SLC9A9: variants seen among roughly 807,000 people sequenced by gnomAD.
SLC9A9 encodes the protein sodium/hydrogen exchanger 9.
A neutral mutation model predicts 77.8 loss-of-function variants in SLC9A9; 62 were observed. The observed-to-expected ratio is 0.80, with a 90% CI of 0.65 to 0.98. The LOEUF is 0.98. SLC9A9 is among the 50% of genes least tolerant of loss of function. The probability of loss-of-function intolerance (pLI) is 0.00; values close to 1 mark genes in which losing one functional copy is unlikely to be tolerated. For missense variants in SLC9A9, 775 were observed against 774.9 expected (o/e 1.00, Z 0.00); for synonymous variants, 320 against 283.5 (o/e 1.13, Z -1.29).
intron 9 of SLC9A9, among the ~76,000 whole-genome samples, chr3:143,518,434 A>C (rs2036240789): frequency 6.6e-6 from 1 of 152,234 alleles, no homozygotes; most frequent in Non-Finnish European, 1.5e-5. Flanking sequence ...TATGCTCCTC[A>C]TACAGTCAAA....
At chr3:143,541,725 A>G (rs962539411) in intron 9 of SLC9A9, among the ~76,000 whole-genome samples, 2 of 152,124 alleles carry the variant, frequency 1.3e-5, no homozygotes, top group East Asian at 1.9e-4. Context: ...TCCTCCAATA[A>G]AATTCTGGGT....
chr3:143,742,695 T>C (rs1397447967), intron 4 of SLC9A9, among the ~76,000 whole-genome samples: 1 of 152,084 alleles, frequency 6.6e-6, no homozygotes, highest in African/African-American at 2.4e-5. Flanking sequence ...ACTAGGAAAG[T>C]CAAATAAACT....
intron 2 of SLC9A9, among the ~76,000 whole-genome samples, chr3:143,816,642 A>G (rs2009025901): frequency 6.6e-6 from 1 of 152,194 alleles, no homozygotes; most frequent in Non-Finnish European, 1.5e-5. Flanking sequence ...AAGTCTGTGT[A>G]TACATGTGAG....
chr3:143,436,858 T>C (rs1360315864), intron 12 of SLC9A9, among the ~76,000 whole-genome samples: 3 of 152,210 alleles, frequency 2.0e-5, no homozygotes, highest in African/African-American at 4.8e-5. Context: ...GGGGTCTTCC[T>C]GAAGCCTTCC....
At chr3:143,691,894 A>G (rs992112783) in intron 5 of SLC9A9, among the ~76,000 whole-genome samples, 2 of 152,260 alleles carry the variant, frequency 1.3e-5, no homozygotes, top group Non-Finnish European at 2.9e-5. Flanking sequence ...TTGTTCAACT[A>G]TAGGTTGTGT....
At chr3:143,503,424 C>A in intron 9 of SLC9A9, 1 of 347,926 alleles carries the variant, frequency 2.9e-6, no homozygotes, top group South Asian at 2.3e-5. Flanking sequence ...CTGTTAAAGT[C>A]AGAGGAGACA....
chr3:143,727,983 G>A (rs993892938), intron 4 of SLC9A9, among the ~76,000 whole-genome samples: 6 of 152,138 alleles, frequency 3.9e-5, no homozygotes, highest in East Asian at 3.8e-4. Context: ...GCTTCCCCTC[G>A]TTGCCTGCAC....
At chr3:143,385,949 A>G (rs564033255) in intron 12 of SLC9A9, among the ~76,000 whole-genome samples, 38 of 152,190 alleles carry the variant, frequency 2.5e-4, no homozygotes, top group African/African-American at 9.2e-4. Context: ...TTTCTCTCCC[A>G]TGGACTGGAC....
At chr3:143,389,514 AAAG>A (rs1335502562) in intron 12 of SLC9A9, among the ~76,000 whole-genome samples, 1 of 152,214 alleles carries the variant, frequency 6.6e-6, no homozygotes, top group African/African-American at 2.4e-5. Flanking sequence ...TAGCCATATT[AAAG>A]AAGGAGAAGC....
At chr3:143,276,574 C>T (rs879490091) in intron 14 of SLC9A9, among the ~76,000 whole-genome samples, 1 of 151,652 alleles carries the variant, frequency 6.6e-6, no homozygotes. Context: ...TAGCATATTA[C>T]CAAGGAATAG....
intron 5 of SLC9A9, among the ~76,000 whole-genome samples, chr3:143,678,110 G>A (rs780785900): frequency 1.1e-4 from 16 of 152,190 alleles, no homozygotes; most frequent in Non-Finnish European, 2.2e-4. Context: ...ACAGGCATGA[G>A]CCACCGCGCC....
chr3:143,819,096 A>C (rs1168425281), intron 2 of SLC9A9, among the ~76,000 whole-genome samples: 1 of 152,178 alleles, frequency 6.6e-6, no homozygotes, highest in Non-Finnish European at 1.5e-5. Context: ...AAAAAGGAGG[A>C]TCACTGAAAT....
chr3:143,709,880 A>T (rs1478019359), intron 4 of SLC9A9, among the ~76,000 whole-genome samples: 1 of 152,122 alleles, frequency 6.6e-6, no homozygotes, highest in African/African-American at 2.4e-5. Flanking sequence ...AAGCTCCACA[A>T]AGACTTGTTT....
chr3:143,464,400 A>C (rs1022967607), intron 12 of SLC9A9, among the ~76,000 whole-genome samples: 1 of 152,360 alleles, frequency 6.6e-6, no homozygotes, highest in Non-Finnish European at 1.5e-5. Context: ...TATCACTGCA[A>C]GTTAGTGTGT....
chr3:143,657,020 G>A lies in SLC9A9; in HGVS notation c.650-4660C>T, dbSNP rs189462532. On this transcript the variant is annotated intron_variant, in intron 5 of 15. Transcript: ENST00000316549. The stretch of plus-strand genomic sequence containing the variant: ...TGTATACGGTGAGATCTGAAGGAGA[G>A]GCTTTCAAAAAAGTTGTGGTATCTG... Among the ~76,000 whole-genome samples the A allele has an allele frequency of 2.6e-5, 4 of 152,164 alleles. No individual in the cohort carries two copies. In the East Asian group the frequency reaches 7.7e-4, roughly 29 times the overall value.
intron 13 of SLC9A9, among the ~76,000 whole-genome samples, chr3:143,374,999 A>G (rs894617831): frequency 6.6e-6 from 1 of 152,134 alleles, no homozygotes; most frequent in Non-Finnish European, 1.5e-5. Flanking sequence ...CAATTGTTCA[A>G]TTGGGGGTTT....
intron 9 of SLC9A9, among the ~76,000 whole-genome samples, chr3:143,527,890 A>C (rs2036431649): frequency 6.6e-6 from 1 of 152,182 alleles, no homozygotes; most frequent in Non-Finnish European, 1.5e-5. Context: ...CTTGATGTCA[A>C]GAACTGGGTA....
intron 4 of SLC9A9, among the ~76,000 whole-genome samples, chr3:143,724,283 T>A (rs940469988): frequency 6.6e-6 from 1 of 152,210 alleles, no homozygotes; most frequent in African/African-American, 2.4e-5. Flanking sequence ...TTCCACCATG[T>A]CAAGAAGTTC....
At chr3:143,377,611 C>T (rs895214468) in intron 13 of SLC9A9, among the ~76,000 whole-genome samples, 2 of 152,066 alleles carry the variant, frequency 1.3e-5, no homozygotes, top group South Asian at 2.1e-4. Flanking sequence ...TGGAAGGTAA[C>T]GTCGAGAAAC....
Sources: gnomAD v4.1 joint callset for allele counts (sites outside exome capture counted in the v4.1 genomes callset) on GRCh38, gnomAD v4.1.1 for gene constraint, MANE v1.5 for transcripts, NCBI Gene and HGNC (gene_info 2026-07-23, HGNC 2026-07-21) for gene names.